NOTCH1: variants seen among roughly 807,000 people sequenced by gnomAD.
NOTCH1 encodes the protein notch receptor 1.
In NOTCH1, 37 loss-of-function variants were observed where a neutral mutation model predicts 254.8. That is an observed-to-expected ratio of 0.15 (90% CI 0.11 to 0.19). NOTCH1 has a LOEUF of 0.19. NOTCH1 is among the 10% of genes least tolerant of loss of function. NOTCH1 has a pLI of 1.00. For missense variants in NOTCH1, 2,972 were observed against 3,708.6 expected (o/e 0.80, Z 5.16); for synonymous variants, 1,731 against 1,618.1 (o/e 1.07, Z -1.68).
At position 136,497,055 on chromosome 9, in the gene NOTCH1, G is replaced by T; in HGVS notation, c.6684C>A (p.Ser2228=). 1 of 1,609,388 alleles carries T rather than the reference G, an allele frequency of 6.2e-7. No individual in the cohort carries two copies. Among genetic ancestry groups the T allele is most frequent in the Non-Finnish European group, 8.5e-7 (1 of 1,178,036 alleles). ...LLPSPFQQSP[S]VPLNHLPGMP... ...TCCCAGGCAGGTGGTTGAGGGGCAC[G>T]GACGGAGACTGCTGGAACGGGGAGG... is the stretch of plus-strand genomic sequence containing the variant. The change falls in exon 34 of 34, where the codon TCC becomes TCA. Residue 2228 remains serine (S), a synonymous_variant. Transcript: ENST00000651671.
In NOTCH1 at chr9:136,496,759, C is replaced by G. The variant is rs202065858; in HGVS notation, c.6980G>C (p.Arg2327Pro). ...CAGGGGGCCTGGTGCCACACTCCCC[C>G]GCAGAGGGTTGTATTGGTTCGGCAC... ...GMVPNQYNPL[R>P]GSVAPGPLST... is the part of the protein sequence containing the mutation. Residue 2327 changes from arginine to proline, a missense_variant, in exon 34 of 34, where the codon CGG becomes CCG. This residue lies in a region of NOTCH1 where 529 missense variants were observed against 529.2 expected (regional missense o/e 1.00). Transcript: ENST00000651671. 2.5e-6 allele frequency: 4 copies of G among 1,612,834 alleles called. No homozygotes were observed. Among genetic ancestry groups the G allele is most frequent in the Non-Finnish European group, 2.5e-6 (3 of 1,180,004 alleles).
At chr9:136,499,459 G>A (rs1188500804) in intron 31 of NOTCH1, among the ~76,000 whole-genome samples, 200 bp from the exon 32 acceptor site, 1 of 152,244 alleles carries the variant, frequency 6.6e-6, no homozygotes, top group African/African-American at 2.4e-5. Flanking sequence ...GGGCTGTGCT[G>A]CCCACAGACA....
Position 136,508,269 on chromosome 9 carries a change from C to G in NOTCH1, c.3288G>C (p.Val1096=), listed in dbSNP as rs374944458. ...CAGCCACCTCACAGGACACGCTGGG[C>G]ACGTCGCAGTAAAGGCCGGTCCAGC... is the stretch of plus-strand genomic sequence containing the variant. ...PSGWTGLYCD[V]PSVSCEVAAQ... is the part of the protein sequence containing the mutation. Residue 1096 remains valine (V), a synonymous_variant, in exon 20 of 34, where the codon GTG becomes GTC. Coordinates refer to ENST00000651671, the MANE Select transcript of NOTCH1 (RefSeq NM_017617.5). 1.7e-4 allele frequency: 270 copies of G among 1,612,634 alleles called. No individual in the cohort carries two copies. Among genetic ancestry groups the G allele is most frequent in the Non-Finnish European group, 2.1e-4 (248 of 1,179,964 alleles).
At chr9:136,499,607 A>G (rs1184109838) in intron 31 of NOTCH1, among the ~76,000 whole-genome samples, 1 of 152,186 alleles carries the variant, frequency 6.6e-6, no homozygotes, top group African/African-American at 2.4e-5. Context: ...GCTGGCACTC[A>G]GGAAGCCGGG....
Position 136,499,012 on chromosome 9 carries a change from A to G in NOTCH1, c.6083-16T>C, listed in dbSNP as rs1050080917. The G allele has an allele frequency of 1.2e-6, 2 of 1,613,116 alleles. No homozygotes were observed. Among genetic ancestry groups the G allele is most frequent in the Admixed American group, 1.7e-5 (1 of 60,038 alleles). ...GCGGACTTGCCTGCGTGAAAGAAGC[A>G]GATGGGGTAGGTTGGAGACCAGCTG... On this transcript the variant is annotated splice_polypyrimidine_tract_variant and intron_variant, in intron 32 of 33. Coordinates refer to ENST00000651671, the MANE Select transcript of NOTCH1 (RefSeq NM_017617.5).
Position 136,514,827 on chromosome 9 carries a change from G to T in NOTCH1, c.2015-125C>A. The T allele has an allele frequency of 2.9e-6, 3 of 1,020,856 alleles. No homozygotes were observed. In the South Asian group the frequency reaches 4.1e-5, roughly 14 times the overall value. 63.2% of individuals were successfully genotyped at this position (1,020,856 alleles called of 1,614,324 possible). A position where few individuals can be genotyped will look rare whatever the true frequency, so the allele number is the denominator to read the frequency against. On this transcript the variant is annotated intron_variant, in intron 12 of 33. Coordinates refer to ENST00000651671, the MANE Select transcript of NOTCH1 (RefSeq NM_017617.5). ...TCTGGCCACATCCTTCCAGGTGTCA[G>T]AAACCATCTTGGATCACAATGTGCC...
intron 2 of NOTCH1, among the ~76,000 whole-genome samples, chr9:136,535,513 T>G (rs1470907719): frequency 5.9e-3 from 79 of 13,286 alleles, no homozygotes; most frequent in South Asian, 0.018. Flanking sequence ...AGGGTGGGAG[T>G]GGGTGGAGGG....
chr9:136,519,682 C>G (rs1843336392), intron 4 of NOTCH1, 117 bp from the exon 5 acceptor site: 3 of 1,497,672 alleles, frequency 2.0e-6, no homozygotes, highest in Admixed American at 1.7e-5. Flanking sequence ...TGCCCTGGGG[C>G]CCCCGGGGTC....
intron 18 of NOTCH1, 24 bp downstream of exon 18, chr9:136,509,709 C>T (rs369462939): frequency 7.5e-6 from 12 of 1,603,500 alleles, no homozygotes; most frequent in East Asian, 2.2e-5. Context: ...TTCCCTTCCA[C>T]GGCCTCACTC....
intron 10 of NOTCH1, 50 bp downstream of exon 10, chr9:136,515,931 T>A (rs1843260463): frequency 6.9e-7 from 1 of 1,452,788 alleles, no homozygotes; most frequent in Non-Finnish European, 9.5e-7. Flanking sequence ...CTGCCCTGAG[T>A]GCCCTGTCCC....
Position 136,497,164 on chromosome 9 carries a change from T to C in NOTCH1, c.6575A>G (p.Asp2192Gly). Reference sequence around the variant, plus strand: ...CACGGGCGAGAGCATGCCGGAGCTGTCCAGCAGGCAGCCCTTGCCGTCCTG... The same window carrying C: ...CACGGGCGAGAGCATGCCGGAGCTGCCCAGCAGGCAGCCCTTGCCGTCCTG... ...KSQDGKGCLL[D>G]SSGMLSPVDS... is the part of the protein sequence containing the mutation. Residue 2192 changes from aspartate to glycine, a missense_variant, in exon 34 of 34, where the codon GAC (aspartate) becomes GGC (glycine). Physicochemically the swap from Asp to Gly is moderately conservative, Grantham distance 94 (BLOSUM62 -1). Around this residue, in one of 8 missense-constraint regions of NOTCH1, gnomAD observed 529 missense variants for 529.2 expected, o/e 1.00. Coordinates refer to ENST00000651671, the MANE Select transcript of NOTCH1 (RefSeq NM_017617.5). The C allele has an allele frequency of 6.2e-7, 1 of 1,612,776 alleles. No individual in the cohort carries two copies. Among genetic ancestry groups the C allele is most frequent in the Non-Finnish European group, 8.5e-7 (1 of 1,179,950 alleles).
intron 2 of NOTCH1, among the ~76,000 whole-genome samples, chr9:136,526,712 G>C (rs1843466117): frequency 6.6e-6 from 1 of 152,240 alleles, no homozygotes; most frequent in Non-Finnish European, 1.5e-5. Context: ...CCAACGTGGA[G>C]GACTGTGGGA....
In NOTCH1 at chr9:136,498,968, G is replaced by C. The variant is rs749488166; in HGVS notation, c.6111C>G (p.Ala2037=). The change falls in exon 33 of 34, where the codon GCC becomes GCG. Residue 2037 remains alanine (A), a synonymous_variant. Coordinates refer to ENST00000651671, the MANE Select transcript of NOTCH1 (RefSeq NM_017617.5). The part of the protein sequence containing the change: ...LGKSALHWAA[A]VNNVDAAVVL... ...CAACTGCGGCATCCACATTGTTCAC[G>C]GCGGCGGCCCAGTGCAGGGCGGACT... 2 of 1,613,568 alleles carry C rather than the reference G, an allele frequency of 1.2e-6. No individual in the cohort carries two copies. Among genetic ancestry groups the C allele is most frequent in the Middle Eastern group, 1.6e-4 (1 of 6,062 alleles).
At chr9:136,527,335 G>A (rs930479216) in intron 2 of NOTCH1, among the ~76,000 whole-genome samples, 4 of 152,226 alleles carry the variant, frequency 2.6e-5, no homozygotes, top group African/African-American at 7.2e-5. Context: ...CACAGCTTTG[G>A]CGCTGGCCAC....
chr9:136,505,929 C>CA (rs752378463), intron 24 of NOTCH1, 48 bp from the exon 25 acceptor site: 75 of 1,476,124 alleles, frequency 5.1e-5, no homozygotes, highest in Non-Finnish European at 5.5e-6. Flanking sequence ...CCACCCCCCG[C>CA]CCCCCCGCCA....
At chr9:136,537,173 A>C (rs913230094) in intron 2 of NOTCH1, among the ~76,000 whole-genome samples, 1 of 152,056 alleles carries the variant, frequency 6.6e-6, no homozygotes, top group Non-Finnish European at 1.5e-5. Flanking sequence ...CCAGGAAGCC[A>C]CCCCGGACGC....
rs2133323045 is a variant in NOTCH1 at position 136,499,214 on chromosome 9, C to T, written c.5980G>A (p.Asp1994Asn). Residue 1994 changes from aspartate (D) to asparagine (N), a missense_variant, in exon 32 of 34, where the codon GAT (aspartate) becomes AAT (asparagine). By Grantham distance (23) the Asp-to-Asn change is conservative. Transcript: ENST00000651671. The part of the protein sequence containing the change: ...RATDLDARMH[D>N]GTTPLILAAR... ...GCCAGGATCAGTGGCGTCGTGCCAT[C>T]ATGCATGCGGGCATCCAGGTCTGTG... 1 of 1,613,376 alleles carries T rather than the reference C, an allele frequency of 6.2e-7. No individual in the cohort carries two copies. Among genetic ancestry groups the T allele is most frequent in the Non-Finnish European group, 8.5e-7 (1 of 1,180,002 alleles).
At chr9:136,519,637 C>G in intron 4 of NOTCH1, 72 bp from the exon 5 acceptor site, 1 of 1,608,130 alleles carries the variant, frequency 6.2e-7, no homozygotes, top group South Asian at 1.1e-5. Context: ...CCCCGACACA[C>G]TGCTCTGGAC....
rs1485182747 is a variant in NOTCH1, at chr9:136,506,895, T to C, written c.3722A>G (p.Asn1241Ser). 1.9e-6 allele frequency: 3 copies of C among 1,611,442 alleles called. No homozygotes were observed. Among genetic ancestry groups the C allele is most frequent in the Non-Finnish European group, 2.5e-6 (3 of 1,179,400 alleles). The part of the protein sequence containing the change: ...PVSRSPKCFN[N>S]GTCVDQVGGY... Reference sequence around the variant, plus strand: ...GCCCACCTGGTCCACGCAGGTGCCGTTGTTAAAGCACTTGGGGCTCCGGGA... The same window carrying C: ...GCCCACCTGGTCCACGCAGGTGCCGCTGTTAAAGCACTTGGGGCTCCGGGA... The change falls in exon 23 of 34, where the codon AAC becomes AGC. Residue 1241 changes from asparagine (N) to serine (S), a missense_variant. Around this residue, in one of 8 missense-constraint regions of NOTCH1, gnomAD observed 1,343 missense variants for 1,557.0 expected, o/e 0.86. Transcript: ENST00000651671. This position sits in a 1 kb window ranked among gnomAD's most constrained non-coding sequence, Gnocchi z 4.5.
Sources: allele counts gnomAD v4.1 joint callset (sites outside exome capture counted in the v4.1 genomes callset), GRCh38; gene constraint gnomAD v4.1.1; regional missense constraint gnomAD v4.1.1; non-coding constraint Gnocchi (gnomAD v3.1); transcripts MANE v1.5; gene names NCBI Gene and HGNC (gene_info 2026-07-23, HGNC 2026-07-21).